Variants in PLPPR4 observed in about 807,000 individuals in gnomAD.
PLPPR4 encodes the protein phospholipid phosphatase related 4.
PLPPR4 carries 24 observed loss-of-function variants against 56.6 expected under a neutral mutation model. The ratio of observed to expected loss-of-function variants is 0.42; its 90% CI spans 0.31 to 0.60. The LOEUF is 0.60. Among genes scored for constraint, PLPPR4 ranks in the 20% least tolerant of loss-of-function variants. PLPPR4 has a pLI of 0.13. For synonymous variants in PLPPR4, 326 were observed against 328.1 expected (o/e 0.99, Z 0.07); for missense variants, 654 against 885.8 (o/e 0.74, Z 3.32).
chr1:99,299,210 C>T lies in PLPPR4; in HGVS notation c.570C>T (p.Leu190=). The part of the protein sequence containing the change: ...IVEDICSGSD[L]TVINSGRKSF... ...AAGATATTTGCTCAGGATCTGACCT[C>T]ACAGTTATCAACAGTGGCAGGTTAG... is the stretch of plus-strand genomic sequence containing the variant. The change falls in exon 4 of 7, where the codon CTC becomes CTT. Residue 190 remains leucine, a synonymous_variant. Coordinates refer to ENST00000370185, the MANE Select transcript of PLPPR4 (RefSeq NM_014839.5). The T allele has an allele frequency of 6.2e-7, 1 of 1,612,962 alleles. No homozygotes were observed. The highest frequency in any genetic ancestry group is 8.5e-7 in the Non-Finnish European group (1 of 1,179,324).
At chr1:99,304,162 T>C (rs1659956494) in intron 6 of PLPPR4, among the ~76,000 whole-genome samples, 1 of 152,198 alleles carries the variant, frequency 6.6e-6, no homozygotes, top group Non-Finnish European at 1.5e-5. Flanking sequence ...ATGGACCCCA[T>C]ATATAATACC....
chr1:99,294,770 A>G (rs1659702942), intron 2 of PLPPR4, among the ~76,000 whole-genome samples: 1 of 152,110 alleles, frequency 6.6e-6, no homozygotes, highest in Admixed American at 6.6e-5. Context: ...GTATTGTATG[A>G]CAAAACACAC....
At chr1:99,300,864 T>C (rs2100808910) in intron 4 of PLPPR4, 45 bp from the exon 5 acceptor site, 1 of 1,405,474 alleles carries the variant, frequency 7.1e-7, no homozygotes, top group East Asian at 2.3e-5. Flanking sequence ...TTGCTAGCAG[T>C]GTATCTGAAC....
intron 1 of PLPPR4, among the ~76,000 whole-genome samples, chr1:99,278,996 T>C (rs1659258136): frequency 6.6e-6 from 1 of 152,216 alleles, no homozygotes; most frequent in African/African-American, 2.4e-5. Flanking sequence ...AGCATTTTCT[T>C]GTGGTAGAAT....
intron 1 of PLPPR4, among the ~76,000 whole-genome samples, chr1:99,281,718 G>A (rs1297541203): frequency 6.6e-6 from 1 of 151,994 alleles, no homozygotes; most frequent in African/African-American, 2.4e-5. Context: ...CAATTGCTTT[G>A]ATCTGCTAGT....
rs1174201150 is a variant in PLPPR4 at position 99,307,850 on chromosome 1, T to C, written c.*840T>C. ...TATAAATATTATTTTAGAGAATCTT[T>C]TGAAATTGTTGTGATCATATTTTGC... On this transcript the variant is annotated 3_prime_UTR_variant, in exon 7 of 7. Coordinates refer to ENST00000370185, the MANE Select transcript of PLPPR4 (RefSeq NM_014839.5). 3 of 152,218 alleles carry C rather than the reference T, an allele frequency of 2.0e-5. No individual in the cohort carries two copies. Among genetic ancestry groups the C allele is most frequent in the Admixed American group, 2.0e-4 (3 of 15,280 alleles). 9.4% of individuals were successfully genotyped at this position (152,218 alleles called of 1,614,324 possible). A position where few individuals can be genotyped will look rare whatever the true frequency, so the allele number is the denominator to read the frequency against.
chr1:99,291,931 A>G (rs1017501720), intron 2 of PLPPR4, among the ~76,000 whole-genome samples: 2 of 140,232 alleles, frequency 1.4e-5, no homozygotes, highest in African/African-American at 4.9e-5. Flanking sequence ...AAAAGTTTAG[A>G]TAGATAGATA....
At chr1:99,271,708 A>C (rs566456579) in intron 1 of PLPPR4, among the ~76,000 whole-genome samples, 1 of 152,260 alleles carries the variant, frequency 6.6e-6, no homozygotes, top group East Asian at 1.9e-4. Flanking sequence ...GTCTCTGATG[A>C]AGATTAATGA....
At chr1:99,280,033 G>A (rs558307091) in intron 1 of PLPPR4, among the ~76,000 whole-genome samples, 12 of 152,306 alleles carry the variant, frequency 7.9e-5, no homozygotes, top group African/African-American at 2.9e-4. Context: ...TAGAGAATGT[G>A]TTTAAGAGTA....
At chr1:99,276,870 G>C (rs554816328) in intron 1 of PLPPR4, among the ~76,000 whole-genome samples, 65 of 152,240 alleles carry the variant, frequency 4.3e-4, no homozygotes, top group African/African-American at 1.6e-3. Context: ...AATTAGGACT[G>C]TGAAATGGAT....
At chr1:99,287,930 A>T (rs767147757) in intron 1 of PLPPR4, 35 bp from the exon 2 acceptor site, 2 of 1,559,020 alleles carry the variant, frequency 1.3e-6, no homozygotes, top group South Asian at 2.3e-5. Flanking sequence ...TATATCAGGT[A>T]GAATAAATTG....
chr1:99,304,138 T>C (rs1659954453), intron 6 of PLPPR4, among the ~76,000 whole-genome samples: 1 of 152,246 alleles, frequency 6.6e-6, no homozygotes, highest in Admixed American at 6.5e-5. Flanking sequence ...CACATAATGA[T>C]ATTTTGGTCA....
intron 2 of PLPPR4, among the ~76,000 whole-genome samples, chr1:99,294,657 T>C (rs1300419167): frequency 2.7e-5 from 4 of 149,754 alleles, no homozygotes; most frequent in African/African-American, 9.9e-5. Flanking sequence ...GATCACACCA[T>C]TGCACTCCAG....
At chr1:99,272,532 A>G (rs147828697) in intron 1 of PLPPR4, among the ~76,000 whole-genome samples, 1,560 of 152,280 alleles carry the variant, frequency 0.01, 17 homozygotes, top group Non-Finnish European at 0.015. Flanking sequence ...AACACATTTC[A>G]TGACCACCTT....
At chr1:99,292,635 C>G (rs1362392653) in intron 2 of PLPPR4, among the ~76,000 whole-genome samples, 3 of 152,176 alleles carry the variant, frequency 2.0e-5, no homozygotes, top group Admixed American at 1.3e-4. Flanking sequence ...TCCAAGATGA[C>G]AGCAATTCTT....
intron 2 of PLPPR4, among the ~76,000 whole-genome samples, chr1:99,288,379 T>C (rs1316975812): frequency 1.3e-5 from 2 of 152,224 alleles, no homozygotes; most frequent in Non-Finnish European, 2.9e-5. Context: ...CTAGTGTTTA[T>C]TTTTATTAAT....
intron 1 of PLPPR4, among the ~76,000 whole-genome samples, chr1:99,266,471 A>G (rs1226590191): frequency 6.6e-6 from 1 of 152,248 alleles, no homozygotes; most frequent in Non-Finnish European, 1.5e-5. Flanking sequence ...ATGTCCCTTA[A>G]GCAAGAATTT....
chr1:99,263,254 T>C (rs1557769982), upstream of PLPPR4, among the ~76,000 whole-genome samples: 1 of 152,084 alleles, frequency 6.6e-6, no homozygotes. Flanking sequence ...GGGCAGAGAA[T>C]TGGGTTCAAC....
At chr1:99,275,015 T>A (rs975758601) in intron 1 of PLPPR4, among the ~76,000 whole-genome samples, 5 of 151,314 alleles carry the variant, frequency 3.3e-5, no homozygotes, top group Admixed American at 3.3e-4. Flanking sequence ...CATTGGAATC[T>A]TTTTTTTTAA....
Sources: allele counts gnomAD v4.1 joint callset (sites outside exome capture counted in the v4.1 genomes callset), GRCh38; gene constraint gnomAD v4.1.1; transcripts MANE v1.5; gene names NCBI Gene and HGNC (gene_info 2026-07-23, HGNC 2026-07-21).